GALNT18: variants seen among roughly 807,000 people sequenced by gnomAD.
The protein encoded by GALNT18 is polypeptide N-acetylgalactosaminyltransferase 18.
A neutral mutation model predicts 69.5 loss-of-function variants in GALNT18; 44 were observed. The ratio of observed to expected loss-of-function variants is 0.63; its 90% CI spans 0.50 to 0.81. The LOEUF (loss-of-function observed/expected upper bound fraction) is 0.81. Among genes scored for constraint, GALNT18 ranks in the 40% least tolerant of loss-of-function variants. The pLI is 0.00. For synonymous variants in GALNT18, 364 were observed against 318.2 expected, an observed-to-expected ratio of 1.14 and a Z score of -1.53; for missense variants, 715 against 810.0, an observed-to-expected ratio of 0.88 and a Z score of 1.42.
chr11:11,312,300 G>A (rs1009417858), intron 9 of GALNT18, among the ~76,000 whole-genome samples: 1 of 152,158 alleles, frequency 6.6e-6, no homozygotes, highest in Non-Finnish European at 1.5e-5. Context: ...GCCTACTGTT[G>A]ACCAGAAGCC....
chr11:11,340,949 A>G lies in GALNT18; in HGVS notation c.1148T>C (p.Ile383Thr), dbSNP rs761875040. Residue 383 changes from isoleucine to threonine, a missense_variant, in exon 7 of 11, where the codon ATT (isoleucine) becomes ACT (threonine). Transcript: ENST00000227756. This position sits in a 1 kb window ranked among gnomAD's most constrained non-coding sequence, Gnocchi z 4.2. ...TGTGTAGGGCTTGTGGGCTCGCTCAATGTGGGCAATCCGTGAGCAGGGCAG... is the reference window on the plus strand; with the variant it reads ...TGTGTAGGGCTTGTGGGCTCGCTCAGTGTGGGCAATCCGTGAGCAGGGCAG... ...EVLPCSRIAHIERAHKPYTED... is the reference protein window; with the variant it reads ...EVLPCSRIAHTERAHKPYTED... 6.2e-6 allele frequency: 10 copies of G among 1,612,552 alleles called. No individual in the cohort carries two copies. Among genetic ancestry groups the G allele is most frequent in the African/African-American group, 1.3e-5 (1 of 74,718 alleles).
chr11:11,559,343 C>G (rs1858408108), intron 1 of GALNT18, among the ~76,000 whole-genome samples: 2 of 152,186 alleles, frequency 1.3e-5, no homozygotes, highest in South Asian at 4.1e-4. Flanking sequence ...GAGAAGGGTG[C>G]CTAGTCTCTC....
chr11:11,338,244 A>C lies in GALNT18; in HGVS notation c.1278+2575T>G, dbSNP rs1272311394. Among the ~76,000 whole-genome samples the C allele has an allele frequency of 2.6e-5, 4 of 152,194 alleles. No individual in the cohort carries two copies. ...CAGCCTCCCAAAGTGCTGGCATTACAGGCATGAGCCACTGCGCCTGGCCTC... is the reference window on the plus strand; with the variant it reads ...CAGCCTCCCAAAGTGCTGGCATTACCGGCATGAGCCACTGCGCCTGGCCTC... On this transcript the variant is annotated intron_variant, in intron 7 of 10. Coordinates refer to ENST00000227756, the MANE Select transcript of GALNT18 (RefSeq NM_198516.3). The surrounding 1 kb of genome is among the most constrained non-coding windows in gnomAD (Gnocchi z 5.3).
chr11:11,352,713 T>C, intron 6 of GALNT18: 2 of 1,614,148 alleles, frequency 1.2e-6, no homozygotes, highest in Non-Finnish European at 1.7e-6. Context: ...CTCATACATG[T>C]AAAATCGAAT....
At chr11:11,487,143 A>G (rs1055243752) in intron 1 of GALNT18, among the ~76,000 whole-genome samples, 4 of 152,104 alleles carry the variant, frequency 2.6e-5, no homozygotes, top group Non-Finnish European at 1.5e-5. Context: ...CTCCCCCTTT[A>G]TTTAACCATT....
intron 3 of GALNT18, among the ~76,000 whole-genome samples, chr11:11,428,778 C>A (rs1855196610): frequency 6.6e-6 from 1 of 152,128 alleles, no homozygotes; most frequent in South Asian, 2.1e-4. Flanking sequence ...AGAACTAGAA[C>A]ACAATAAAAT....
chr11:11,569,792 G>A (rs907587486), intron 1 of GALNT18, among the ~76,000 whole-genome samples: 7 of 152,140 alleles, frequency 4.6e-5, no homozygotes, highest in African/African-American at 1.7e-4. Context: ...TAGGCAAGCA[G>A]TGAAGAGATG....
intron 3 of GALNT18, among the ~76,000 whole-genome samples, chr11:11,431,296 TAG>T (rs150905311): frequency 0.029 from 4,381 of 152,182 alleles, 206 homozygotes; most frequent in African/African-American, 0.1. Context: ...AGTCCAGGGA[TAG>T]AGTGTGTGGG....
In GALNT18 at chr11:11,459,011, G is replaced by A. The variant is rs995454184; in HGVS notation, c.236-10075C>T. ...TTACTTGAGCGAGAAGGGGGACTTCGGCACATCATAGCGGTACTCTTCTTA... is the reference window on the plus strand; with the variant it reads ...TTACTTGAGCGAGAAGGGGGACTTCAGCACATCATAGCGGTACTCTTCTTA... On this transcript the variant is annotated intron_variant, in intron 1 of 10. Transcript: ENST00000227756. This position sits in a 1 kb window ranked among gnomAD's most constrained non-coding sequence, Gnocchi z 5.0. 2.0e-5 allele frequency among the ~76,000 whole-genome samples: 3 copies of A among 152,282 alleles called. No homozygotes were observed. Among genetic ancestry groups the A allele is most frequent in the Non-Finnish European group, 2.9e-5 (2 of 68,030 alleles).
Position 11,377,128 on chromosome 11 carries a change from G to A in GALNT18, c.977+54C>T. On this transcript the variant is annotated intron_variant, in intron 5 of 10. Transcript: ENST00000227756. The surrounding 1 kb of genome is among the most constrained non-coding windows in gnomAD (Gnocchi z 4.6). The stretch of plus-strand genomic sequence containing the variant: ...AGAATAAGCATTGGACCAGTAGGCG[G>A]TCCCTAGCCTGGAGGTCAAAGCGGA... 2 of 1,545,614 alleles carry A rather than the reference G, an allele frequency of 1.3e-6. No homozygotes were observed. Among genetic ancestry groups the A allele is most frequent in the South Asian group, 1.1e-5 (1 of 88,656 alleles).
intron 1 of GALNT18, among the ~76,000 whole-genome samples, chr11:11,503,072 C>G (rs1857005230): frequency 6.6e-6 from 1 of 152,202 alleles, no homozygotes; most frequent in Non-Finnish European, 1.5e-5. Flanking sequence ...AGTCAGATCT[C>G]TACCCTTAGG....
intron 9 of GALNT18, among the ~76,000 whole-genome samples, chr11:11,302,060 C>G (rs1043800691): frequency 6.6e-6 from 1 of 152,154 alleles, no homozygotes; most frequent in Non-Finnish European, 1.5e-5. Context: ...CAGGCAAACA[C>G]AAGCCACAGA....
In GALNT18 at chr11:11,604,183, T is replaced by C. The variant is rs911543004; in HGVS notation, c.235+17176A>G. ...TATTAATACACCACACAGTTTATGGTATTTTGTTATAGCAGCCCAAATAGA... is the reference window on the plus strand; with the variant it reads ...TATTAATACACCACACAGTTTATGGCATTTTGTTATAGCAGCCCAAATAGA... On this transcript the variant is annotated intron_variant, in intron 1 of 10. Coordinates refer to ENST00000227756, the MANE Select transcript of GALNT18 (RefSeq NM_198516.3). This position sits in a 1 kb window ranked among gnomAD's most constrained non-coding sequence, Gnocchi z 5.6. Among the ~76,000 whole-genome samples, 4 of 152,252 alleles carry C rather than the reference T, an allele frequency of 2.6e-5. No individual in the cohort carries two copies. The highest frequency in any genetic ancestry group is 4.4e-5 in the Non-Finnish European group (3 of 68,046).
rs1418918226 is a variant in GALNT18, at chr11:11,595,319, C to G, written c.235+26040G>C. Among the ~76,000 whole-genome samples the G allele has an allele frequency of 6.6e-6, 1 of 152,064 alleles. No individual in the cohort carries two copies. The highest frequency in any genetic ancestry group is 2.4e-5 in the African/African-American group (1 of 41,394). On this transcript the variant is annotated intron_variant, in intron 1 of 10. Coordinates refer to ENST00000227756, the MANE Select transcript of GALNT18 (RefSeq NM_198516.3). This position sits in a 1 kb window ranked among gnomAD's most constrained non-coding sequence, Gnocchi z 5.2. ...AAAGAGGGCTCAGGGAGCTAGTTAG[C>G]CCCTTTTACCATGTGAGGACACAGC...
At position 11,341,478 on chromosome 11, in the gene GALNT18, G is replaced by A. The variant is rs1850206198; in HGVS notation, c.1093-474C>T. On this transcript the variant is annotated intron_variant, in intron 6 of 10. Coordinates refer to ENST00000227756, the MANE Select transcript of GALNT18 (RefSeq NM_198516.3). The surrounding 1 kb of genome is among the most constrained non-coding windows in gnomAD (Gnocchi z 6.3). ...AAGAATTAGTGATCACCACAGAGAAGGGTGTCACCAGACACCCTTCTTCTA... is the reference window on the plus strand; with the variant it reads ...AAGAATTAGTGATCACCACAGAGAAAGGTGTCACCAGACACCCTTCTTCTA... Among the ~76,000 whole-genome samples, 1 of 152,134 alleles carries A rather than the reference G, an allele frequency of 6.6e-6. No individual in the cohort carries two copies. The highest frequency in any genetic ancestry group is 2.1e-4 in the South Asian group (1 of 4,824).
In GALNT18 at chr11:11,533,330, C is replaced by T. The variant is rs189082128; in HGVS notation, c.236-84394G>A. ...CTCAGCCAACTTGCCAGCAGTCTCA[C>T]AGCTGGTCAATGAGGAAGCCAGGAT... On this transcript the variant is annotated intron_variant, in intron 1 of 10. Coordinates refer to ENST00000227756, the MANE Select transcript of GALNT18 (RefSeq NM_198516.3). Among the ~76,000 whole-genome samples, 17 of 152,314 alleles carry T rather than the reference C, an allele frequency of 1.1e-4. No homozygotes were observed. In the East Asian group the frequency reaches 3.3e-3, roughly 29 times the overall value.
intron 3 of GALNT18, among the ~76,000 whole-genome samples, chr11:11,385,541 C>T (rs368985988): frequency 6.6e-5 from 10 of 151,990 alleles, no homozygotes; most frequent in Non-Finnish European, 1.0e-4. Flanking sequence ...GTGATCTGCC[C>T]GCCTCGGCCT....
intron 10 of GALNT18, among the ~76,000 whole-genome samples, chr11:11,285,365 G>T (rs924697837): frequency 7.2e-5 from 11 of 152,110 alleles, no homozygotes; most frequent in African/African-American, 2.7e-4. Context: ...GCTATCATAG[G>T]GATTAAGTAA....
At chr11:11,354,726 C>G (rs1242315303) in intron 6 of GALNT18, among the ~76,000 whole-genome samples, 1 of 152,148 alleles carries the variant, frequency 6.6e-6, no homozygotes, top group Non-Finnish European at 1.5e-5. Flanking sequence ...CTACATTCCT[C>G]TGAGCTCAAG....
Sources: allele counts gnomAD v4.1 joint callset (sites outside exome capture counted in the v4.1 genomes callset), GRCh38; gene constraint gnomAD v4.1.1; non-coding constraint Gnocchi (gnomAD v3.1); transcripts MANE v1.5; gene names NCBI Gene and HGNC (gene_info 2026-07-23, HGNC 2026-07-21).